COL9A3: variants seen among roughly 807,000 people sequenced by gnomAD.
COL9A3 encodes the protein collagen type IX alpha 3 chain, also known as collagen alpha-3(IX) chain.
Under a neutral mutation model 110.2 loss-of-function variants are expected in COL9A3, and 82 were observed. The observed-to-expected ratio is 0.74, with a 90% confidence interval of 0.62 to 0.89. COL9A3 has a LOEUF of 0.89. Among genes scored for constraint, COL9A3 ranks in the 40% least tolerant of loss-of-function variants. The probability of loss-of-function intolerance (pLI) is 0.00; values close to 1 mark genes in which losing one functional copy is unlikely to be tolerated. For synonymous variants in COL9A3, 494 were observed against 403.8 expected (o/e 1.22, Z -2.68); for missense variants, 1,066 against 981.3 (o/e 1.09, Z -1.15).
In COL9A3 at chr20:62,817,820, G is replaced by C. The variant is rs1024255540; in HGVS notation, c.147+185G>C. On this transcript the variant is annotated intron_variant, in intron 2 of 31. Coordinates refer to ENST00000649368, the MANE Select transcript of COL9A3 (RefSeq NM_001853.4). The stretch of plus-strand genomic sequence containing the variant: ...CCCTGCGGGGACTGCTGGTGGGTAG[G>C]GGTGGAGGGTGTCATGTGGTGGTCC... The C allele has an allele frequency of 4.5e-6, 3 of 673,072 alleles. No individual in the cohort carries two copies. The South Asian group carries it at 4.8e-5, about 11-fold the overall frequency. 41.7% of individuals were successfully genotyped at this position (673,072 alleles called of 1,614,324 possible).
At chr20:62,825,790 C>A (rs780630808) in intron 12 of COL9A3, 27 bp from the exon 13 acceptor site, 2 of 1,551,064 alleles carry the variant, frequency 1.3e-6, no homozygotes, top group Non-Finnish European at 1.7e-6. Context: ...GACTGGGCCG[C>A]TGACCACCCT....
chr20:62,823,799 C>T (rs1600793640), intron 10 of COL9A3, among the ~76,000 whole-genome samples: 1 of 152,272 alleles, frequency 6.6e-6, no homozygotes. Context: ...ATGGGCCCGA[C>T]CTGAGGCTGC....
In COL9A3 at chr20:62,829,551, G is replaced by A. The variant is rs529021701; in HGVS notation, c.1053+52G>A. On this transcript the variant is annotated intron_variant, in intron 20 of 31. Transcript: ENST00000649368. ...TGGGAGGGGAGGCGAGGGGCCGGGA[G>A]GCAAGGGGCTGGGGGGCCAGCGACC... The A allele has an allele frequency of 7.5e-6, 12 of 1,604,322 alleles. No homozygotes were observed. In the East Asian group the frequency reaches 2.5e-4, roughly 33 times the overall value.
intron 7 of COL9A3, 110 bp downstream of exon 7, chr20:62,821,640 A>C: frequency 6.4e-7 from 1 of 1,560,526 alleles, no homozygotes. Context: ...AGGGGCAGCC[A>C]TCTGACCACC....
chr20:62,830,173 G>A (rs1326886926), intron 22 of COL9A3, among the ~76,000 whole-genome samples, 187 bp from the exon 23 acceptor site: 1 of 152,106 alleles, frequency 6.6e-6, no homozygotes, highest in African/African-American at 2.4e-5. Context: ...GTATGCCTGA[G>A]TTCTGAGACC....
intron 25 of COL9A3, among the ~76,000 whole-genome samples, chr20:62,832,405 C>G (rs548210444): frequency 6.6e-6 from 1 of 152,360 alleles, no homozygotes; most frequent in Non-Finnish European, 1.5e-5. Context: ...AGGCACGCCC[C>G]GGCATCCGCC....
chr20:62,821,666 C>T, intron 7 of COL9A3, 91 bp from the exon 8 acceptor site: 1 of 1,546,738 alleles, frequency 6.5e-7, no homozygotes, highest in South Asian at 1.1e-5. Context: ...CTTGGAGCCC[C>T]TCTCCCTTCG....
intron 27 of COL9A3, 109 bp downstream of exon 27, chr20:62,836,062 TG>T: frequency 2.5e-6 from 4 of 1,605,462 alleles, no homozygotes; most frequent in Non-Finnish European, 3.4e-6. Flanking sequence ...AGATCCGAGA[TG>T]TAAAAAAGCT....
rs2063640387 is a variant in COL9A3, at chr20:62,836,793, A to C, written c.1603+261A>C. On this transcript the variant is annotated intron_variant, in intron 29 of 31. Transcript: ENST00000649368. ...AGACGCCCTAAAGCCTGCTGAATGC[A>C]ATGGGTACAAGAACAGCGGAGTGTG... 3 of 622,292 alleles carry C rather than the reference A, an allele frequency of 4.8e-6. No individual in the cohort carries two copies. The South Asian group carries it at 5.8e-5, about 12-fold the overall frequency. The allele number at this position is 622,292 out of a possible 1,614,324, so 38.5% of individuals were successfully genotyped here.
At chr20:62,825,979 T>G in intron 13 of COL9A3, 109 bp downstream of exon 13, 1 of 1,295,596 alleles carries the variant, frequency 7.7e-7, no homozygotes, top group Non-Finnish European at 1.1e-6. Flanking sequence ...GGGGGGTGTT[T>G]GGCCAACACC....
intron 26 of COL9A3, among the ~76,000 whole-genome samples, chr20:62,833,393 G>T (rs1035062318): frequency 6.6e-6 from 1 of 152,104 alleles, no homozygotes; most frequent in African/African-American, 2.4e-5. Flanking sequence ...TTTTGTTTTT[G>T]GTTTTTTGGG....
At chr20:62,819,114 C>A (rs1991032606) in intron 3 of COL9A3, 108 bp from the exon 4 acceptor site, 3 of 1,119,416 alleles carry the variant, frequency 2.7e-6, no homozygotes, top group Non-Finnish European at 4.0e-6. Flanking sequence ...GGGGCCCATC[C>A]CGTATGGTTG....
intron 2 of COL9A3, 70 bp downstream of exon 2, chr20:62,817,705 C>G (rs2273080): frequency 9.3e-7 from 1 of 1,074,054 alleles, no homozygotes; most frequent in Non-Finnish European, 1.3e-6. Flanking sequence ...TCCCTGAGCT[C>G]CCCGGCCTGA....
At chr20:62,816,258 TG>T (rs1990900474), upstream of COL9A3, 1 of 152,234 alleles carries the variant, frequency 6.6e-6, no homozygotes, top group Admixed American at 6.5e-5. Flanking sequence ...AGGCAGAGCT[TG>T]GCCGGACCTG....
rs775653196 is a variant in COL9A3 at position 62,836,210 on chromosome 20, C to T, written c.1425C>T (p.Gly475=). 7 of 1,613,470 alleles carry T rather than the reference C, an allele frequency of 4.3e-6. No homozygotes were observed. The highest frequency in any genetic ancestry group is 1.3e-5 in the African/African-American group (1 of 75,038). ...AGTCTGGCAGTCGAGGGGAGCTGGG[C>T]CCCAAAGGCACCCAGGGTCCCAACG... is the stretch of plus-strand genomic sequence containing the variant. The part of the protein sequence containing the change: ...KGESGSRGEL[G]PKGTQGPNGT... The change falls in exon 28 of 32, where the codon GGC becomes GGT. Residue 475 remains glycine, a synonymous_variant. Coordinates refer to ENST00000649368, the MANE Select transcript of COL9A3 (RefSeq NM_001853.4).
chr20:62,821,493 GT>G lies in COL9A3; in HGVS notation c.346-11del, dbSNP rs775141213. 1 of 1,612,924 alleles carries G rather than the reference GT, an allele frequency of 6.2e-7. No individual in the cohort carries two copies. Among genetic ancestry groups the G allele is most frequent in the East Asian group, 2.2e-5 (1 of 44,870 alleles). On this transcript the variant is annotated splice_polypyrimidine_tract_variant and intron_variant, in intron 6 of 31. Transcript: ENST00000649368. ...TGTGCCTGGCAGGCTCTGACCCCAT[GT>G]TTGGCTTTGCAGGGCAAAGGCCTCC...
At chr20:62,832,967 G>A in intron 25 of COL9A3, 53 bp from the exon 26 acceptor site, 2 of 1,514,404 alleles carry the variant, frequency 1.3e-6, no homozygotes, top group Non-Finnish European at 1.8e-6. Flanking sequence ...AAGGCATGAA[G>A]TCCCTACTCA....
Position 62,822,145 on chromosome 20 carries a change from C to T in COL9A3, c.458C>T (p.Pro153Leu). The T allele has an allele frequency of 6.3e-7, 1 of 1,585,534 alleles. No homozygotes were observed. The highest frequency in any genetic ancestry group is 8.7e-7 in the Non-Finnish European group (1 of 1,154,718). The change falls in exon 9 of 32, where the codon CCA becomes CTA. Residue 153 changes from proline to leucine, a missense_variant. Physicochemically the swap from Pro to Leu is moderately conservative, Grantham distance 98 (BLOSUM62 -3). Coordinates refer to ENST00000649368, the MANE Select transcript of COL9A3 (RefSeq NM_001853.4). ...GGACTCCCCGGCCTCCCTGGTCCCCCAGGACCTCCCGGACCCCCTGTAAGT... is the reference window on the plus strand; with the variant it reads ...GGACTCCCCGGCCTCCCTGGTCCCCTAGGACCTCCCGGACCCCCTGTAAGT... The part of the protein sequence containing the change: ...PSGLPGLPGP[P>L]GPPGPPGHPG...
Position 62,828,118 on chromosome 20 carries a change from G to A in COL9A3, c.900+142G>A, listed in dbSNP as rs927780497. ...TCTGGGTTAACGGTGGAACAGCCCC[G>A]CAGCCCCACACATTTCTCTCTTGCC... On this transcript the variant is annotated intron_variant, in intron 17 of 31. Coordinates refer to ENST00000649368, the MANE Select transcript of COL9A3 (RefSeq NM_001853.4). The A allele has an allele frequency of 2.2e-5, 18 of 837,072 alleles. No individual in the cohort carries two copies. In the East Asian group the frequency reaches 3.2e-4, roughly 15 times the overall value. 51.9% of individuals were successfully genotyped at this position (837,072 alleles called of 1,614,324 possible).
Sources: allele counts gnomAD v4.1 joint callset (sites outside exome capture counted in the v4.1 genomes callset), GRCh38; gene constraint gnomAD v4.1.1; transcripts MANE v1.5; gene names NCBI Gene and HGNC (gene_info 2026-07-23, HGNC 2026-07-21).